The following CDHR5 variants were observed in gnomAD, a reference collection of about 807,000 sequenced individuals.
The protein encoded by CDHR5 is cadherin-related family member 5.
In CDHR5, 82 loss-of-function variants were observed where a neutral mutation model predicts 69.5. The observed-to-expected ratio is 1.18, with a 90% CI of 0.99 to 1.42. The LOEUF (loss-of-function observed/expected upper bound fraction) is 1.42. Among genes scored for constraint, CDHR5 ranks in the 40% most tolerant of loss-of-function variants. The pLI is 0.00. For missense variants in CDHR5, 1,293 were observed against 1,168.9 expected, an observed-to-expected ratio of 1.11 and a Z score of -1.55; for synonymous variants, 601 against 510.2, an observed-to-expected ratio of 1.18 and a Z score of -2.40.
intron 3 of CDHR5, among the ~76,000 whole-genome samples, chr11:622,255 C>T (rs143334983): frequency 6.6e-6 from 1 of 152,350 alleles, no homozygotes; most frequent in African/African-American, 2.4e-5. Flanking sequence ...TCACAAGAGA[C>T]AAATCTCTGC....
Position 624,522 on chromosome 11 carries a change from G to A in CDHR5, c.261+35C>T, listed in dbSNP as rs769943038. On this transcript the variant is annotated intron_variant, in intron 2 of 14. Coordinates refer to ENST00000397542, the MANE Select transcript of CDHR5 (RefSeq NM_021924.5). The surrounding 1 kb of genome is among the most constrained non-coding windows in gnomAD (Gnocchi z 5.3). ...CTGAGGATGCAGGTGCCCTTCTCCC[G>A]GGACCCCCATATCCCGCCCGCCTGC... 1.8e-5 allele frequency: 29 copies of A among 1,604,906 alleles called. No homozygotes were observed. Among genetic ancestry groups the A allele is most frequent in the South Asian group, 1.2e-4 (11 of 90,764 alleles).
chr11:617,611 C>T lies in CDHR5; in HGVS notation c.2278G>A (p.Glu760Lys), dbSNP rs1193379926. Residue 760 changes from glutamate to lysine, a missense_variant, in exon 15 of 15, where the codon GAG (glutamate) becomes AAG (lysine). Physicochemically the swap from Glu to Lys is moderately conservative, Grantham distance 56. Transcript: ENST00000397542. The stretch of plus-strand genomic sequence containing the variant: ...CCAGCTCGGGCCGCTGCGGGGGGCT[C>T]AGGGGCACCGCCTGGGGAGGCAGGG... ...PGPASPGGAP[E>K]PPAAARAGGS... 5.0e-6 allele frequency: 8 copies of T among 1,600,956 alleles called. No homozygotes were observed. The Admixed American group carries it at 1.0e-4, about 20-fold the overall frequency.
In CDHR5 at chr11:617,674, C is replaced by T. The variant is rs768452448; in HGVS notation, c.2215G>A (p.Ala739Thr). The T allele has an allele frequency of 1.6e-5, 24 of 1,496,238 alleles. No homozygotes were observed. In the Admixed American group the frequency reaches 3.7e-4, roughly 23 times the overall value. 92.7% of individuals were successfully genotyped at this position (1,496,238 alleles called of 1,614,324 possible). Residue 739 changes from alanine to threonine, a missense_variant, in exon 15 of 15, where the codon GCG (alanine) becomes ACG (threonine). Transcript: ENST00000397542. ...GGCTCTGCGGGCATCGGTGCCTCCG[C>T]GGGCTTGGGGTCGTGCGTGGGGCTG... is the stretch of plus-strand genomic sequence containing the variant. ...VPSPTHDPKPAEAPMPAEPAP... is the reference protein window; with the variant it reads ...VPSPTHDPKPTEAPMPAEPAP...
rs574375795 is a variant in CDHR5 at position 621,690 on chromosome 11, G to A, written c.406-27C>T. Reference sequence around the variant, plus strand: ...TGGGGAGGGAGAGGGGCTTGGTCCGGCCACACTCTTGGCCCCTGTGGACCC... The same window carrying A: ...TGGGGAGGGAGAGGGGCTTGGTCCGACCACACTCTTGGCCCCTGTGGACCC... On this transcript the variant is annotated intron_variant, in intron 4 of 14. Coordinates refer to ENST00000397542, the MANE Select transcript of CDHR5 (RefSeq NM_021924.5). This position sits in a 1 kb window ranked among gnomAD's most constrained non-coding sequence, Gnocchi z 4.4. 1.3e-6 allele frequency: 2 copies of A among 1,580,412 alleles called. No homozygotes were observed. Among genetic ancestry groups the A allele is most frequent in the East Asian group, 4.5e-5 (2 of 44,736 alleles).
chr11:618,547 A>C (rs1857126045), intron 13 of CDHR5, 52 bp downstream of exon 13: 1 of 1,600,432 alleles, frequency 6.2e-7, no homozygotes, highest in East Asian at 2.2e-5. Flanking sequence ...AGCGTTTCCC[A>C]TACCAGCCAA....
rs752508559 is a variant in CDHR5, at chr11:619,004, C to T, written c.1555G>A (p.Gly519Arg). 18 of 1,613,342 alleles carry T rather than the reference C, an allele frequency of 1.1e-5. No individual in the cohort carries two copies. In the East Asian group the frequency reaches 2.9e-4, roughly 26 times the overall value. ...CTGTTTTCTGCACCCGGGGGCCCCCCGGGTGTGGACGAGGTTGGTGGCCTC... is the reference window on the plus strand; with the variant it reads ...CTGTTTTCTGCACCCGGGGGCCCCCTGGGTGTGGACGAGGTTGGTGGCCTC... Reference protein sequence around the residue: ...TLRPPTSSTPGGPPGAENSTS... With the variant: ...TLRPPTSSTPRGPPGAENSTS... The change falls in exon 13 of 15, where the codon GGG (glycine) becomes AGG (arginine). Residue 519 changes from glycine to arginine, a missense_variant. Gly to Arg is a moderately radical substitution (Grantham distance 125, BLOSUM62 -2). Transcript: ENST00000397542.
chr11:617,219 C>T lies in CDHR5; in HGVS notation c.*132G>A, dbSNP rs1471804485. On this transcript the variant is annotated 3_prime_UTR_variant, in exon 15 of 15. Transcript: ENST00000397542. ...CAGGGGACTGAGTGAATGGGACCCC[C>T]ATGGACCCGCGCGCCTGCCCCACGC... The T allele has an allele frequency of 5.8e-6, 4 of 690,882 alleles. No individual in the cohort carries two copies. In the East Asian group the frequency reaches 1.1e-4, roughly 19 times the overall value. The allele number at this position is 690,882 out of a possible 1,614,324, so 42.8% of individuals were successfully genotyped here. A position where few individuals can be genotyped will look rare whatever the true frequency, so the allele number is the denominator to read the frequency against.
In CDHR5 at chr11:621,862, C is replaced by CA. The variant is rs1174124031; in HGVS notation, c.354dup (p.Asp119Ter). ...TTAAAGGGGAATTCGGGGGCATTGT[C>CA]ATTGACGTCCAGCACTGACACGAAC... On this transcript the variant is annotated frameshift_variant, in exon 4 of 15. Transcript: ENST00000397542. LOFTEE classifies it high-confidence loss of function. The surrounding 1 kb of genome is among the most constrained non-coding windows in gnomAD (Gnocchi z 4.4). 3 of 1,613,628 alleles carry CA rather than the reference C, an allele frequency of 1.9e-6. No homozygotes were observed. The highest frequency in any genetic ancestry group is 2.5e-6 in the Non-Finnish European group (3 of 1,179,912).
chr11:621,872 C>CA lies in CDHR5; in HGVS notation c.344dup (p.Asp116GlyfsTer4). 1 of 1,613,624 alleles carries CA rather than the reference C, an allele frequency of 6.2e-7. No individual in the cohort carries two copies. The highest frequency in any genetic ancestry group is 8.5e-7 in the Non-Finnish European group (1 of 1,179,866). The stretch of plus-strand genomic sequence containing the variant: ...ATTCGGGGGCATTGTCATTGACGTC[C>CA]AGCACTGACACGAACACCCTTAGCT... On this transcript the variant is annotated frameshift_variant, in exon 4 of 15. Coordinates refer to ENST00000397542, the MANE Select transcript of CDHR5 (RefSeq NM_021924.5). LOFTEE classifies it high-confidence loss of function. This position sits in a 1 kb window ranked among gnomAD's most constrained non-coding sequence, Gnocchi z 4.4.
chr11:617,258 T>G lies in CDHR5; in HGVS notation c.*93A>C. On this transcript the variant is annotated 3_prime_UTR_variant, in exon 15 of 15. Transcript: ENST00000397542. ...CCTGCCCCACGCCATGGCCTGGGTT[T>G]CGGGAGCCTTGCTTTATTCTGCCTC... 9.5e-7 allele frequency: 1 copy of G among 1,057,336 alleles called. No homozygotes were observed. The highest frequency in any genetic ancestry group is 1.5e-5 in the South Asian group (1 of 64,760). 65.5% of individuals were successfully genotyped at this position (1,057,336 alleles called of 1,614,324 possible).
Position 620,162 on chromosome 11 carries a change from T to A in CDHR5, c.883A>T (p.Asn295Tyr). The A allele has an allele frequency of 6.2e-7, 1 of 1,612,772 alleles. No homozygotes were observed. Among genetic ancestry groups the A allele is most frequent in the Non-Finnish European group, 8.5e-7 (1 of 1,179,120 alleles). Residue 295 changes from asparagine (N) to tyrosine (Y), a missense_variant and splice_region_variant, in exon 9 of 15, where the codon AAC (asparagine) becomes TAC (tyrosine). By Grantham distance (143) the Asn-to-Tyr change is moderately radical. Coordinates refer to ENST00000397542, the MANE Select transcript of CDHR5 (RefSeq NM_021924.5). ...TGGATGATGAATGTACCATTCACGTTTCCTGGGAGGATGATGGAAGTGCTC... is the reference window on the plus strand; with the variant it reads ...TGGATGATGAATGTACCATTCACGTATCCTGGGAGGATGATGGAAGTGCTC... ...QPIIYSIFRG[N>Y]VNGTFIIHPD...
In CDHR5 at chr11:619,870, G is replaced by C; in HGVS notation, c.990C>G (p.Ala330=). 1 of 1,546,130 alleles carries C rather than the reference G, an allele frequency of 6.5e-7. No individual in the cohort carries two copies. The highest frequency in any genetic ancestry group is 1.9e-5 in the Admixed American group (1 of 51,768). The change falls in exon 10 of 15, where the codon GCC becomes GCG. Residue 330 remains alanine, a synonymous_variant. Transcript: ENST00000397542. The stretch of plus-strand genomic sequence containing the variant: ...GGGTCACTGAGTAGCGGGCAAGGTC[G>C]GCCTGTTGGCCCTGGAGGCGGGGGA... ...TFLLLVKGQQ[A]DLARYSVTQV... is the part of the protein sequence containing the mutation.
rs1157180937 is a variant in CDHR5, at chr11:622,045, G to A, written c.313-141C>T. 2.7e-5 allele frequency: 17 copies of A among 634,562 alleles called. 1 individual carries two copies. The highest frequency in any genetic ancestry group is 3.9e-5 in the African/African-American group (2 of 51,098). 39.3% of individuals were successfully genotyped at this position (634,562 alleles called of 1,614,324 possible). Reference sequence around the variant, plus strand: ...CCGCCCTAAGTGAGGTGCACCCCTCGACGGCCACCCGTCCCTGCTGTGAGT... The same window carrying A: ...CCGCCCTAAGTGAGGTGCACCCCTCAACGGCCACCCGTCCCTGCTGTGAGT... On this transcript the variant is annotated intron_variant, in intron 3 of 14. Transcript: ENST00000397542.
intron 10 of CDHR5, 34 bp from the exon 11 acceptor site, chr11:619,621 T>G: frequency 1.2e-6 from 2 of 1,608,456 alleles, no homozygotes; most frequent in Non-Finnish European, 1.7e-6. Context: ...CCGGCCAGGC[T>G]GCCTCCCACG....
Position 617,671 on chromosome 11 carries a change from C to G in CDHR5, c.2218G>C (p.Glu740Gln). The G allele has an allele frequency of 6.7e-7, 1 of 1,499,666 alleles. No individual in the cohort carries two copies. The highest frequency in any genetic ancestry group is 8.9e-7 in the Non-Finnish European group (1 of 1,129,604). The allele number at this position is 1,499,666 out of a possible 1,614,324, so 92.9% of individuals were successfully genotyped here. The stretch of plus-strand genomic sequence containing the variant: ...GCGGGCTCTGCGGGCATCGGTGCCT[C>G]CGCGGGCTTGGGGTCGTGCGTGGGG... ...PSPTHDPKPAEAPMPAEPAPP... is the reference protein window; with the variant it reads ...PSPTHDPKPAQAPMPAEPAPP... Residue 740 changes from glutamate to glutamine, a missense_variant, in exon 15 of 15, where the codon GAG (glutamate) becomes CAG (glutamine). Glu to Gln is a conservative substitution (Grantham distance 29). Transcript: ENST00000397542.
chr11:620,454 G>A, intron 7 of CDHR5, 68 bp from the exon 8 acceptor site: 1 of 1,133,858 alleles, frequency 8.8e-7, no homozygotes, highest in Non-Finnish European at 1.3e-6. Context: ...TGGCCCCTCT[G>A]ACTCCCCATC....
In CDHR5 at chr11:618,053, C is replaced by T. The variant is rs1393414307; in HGVS notation, c.2019G>A (p.Gly673=). ...CCAGCAGCAGCAGCGCACCCAGCAC[C>T]CCGCCCAGGGCCGCCATATCCACCA... is the stretch of plus-strand genomic sequence containing the variant. The part of the protein sequence containing the change: ...FSVVDMAALG[G]VLGALLLLAL... Residue 673 remains glycine (G), a synonymous_variant, in exon 14 of 15, where the codon GGG becomes GGA. Transcript: ENST00000397542. The T allele has an allele frequency of 1.2e-6, 2 of 1,612,244 alleles. No homozygotes were observed. The highest frequency in any genetic ancestry group is 2.2e-5 in the East Asian group (1 of 44,886).
At position 624,848 on chromosome 11, in the gene CDHR5, G is replaced by A. The variant is rs1394892332; in HGVS notation, c.55C>T (p.Arg19Ter). The part of the protein sequence containing the change: ...PPLLFTGLLV[R>*]PPGTMAQAQY... ...GCCTGGGCCATGGTCCCCGGGGGTC[G>A]GACGAGCAGCCCGGTGAACAGCAGG... The change falls in exon 1 of 15, where the codon CGA (arginine) becomes TGA (stop). Residue 19 changes from arginine (R) to a stop codon, truncating the protein, a stop_gained. Coordinates refer to ENST00000397542, the MANE Select transcript of CDHR5 (RefSeq NM_021924.5). LOFTEE classifies it high-confidence loss of function. This position sits in a 1 kb window ranked among gnomAD's most constrained non-coding sequence, Gnocchi z 5.3. 1.1e-5 allele frequency: 18 copies of A among 1,598,480 alleles called. No homozygotes were observed. Among genetic ancestry groups the A allele is most frequent in the Admixed American group, 1.8e-5 (1 of 55,826 alleles).
chr11:624,478 C>A lies in CDHR5; in HGVS notation c.261+79G>T, dbSNP rs1347163964. On this transcript the variant is annotated intron_variant, in intron 2 of 14. Transcript: ENST00000397542. This position sits in a 1 kb window ranked among gnomAD's most constrained non-coding sequence, Gnocchi z 5.3. The stretch of plus-strand genomic sequence containing the variant: ...TGCCCGCAGGCATAGAACTCCTAGG[C>A]CCCCAAGGGAGGTGTGGCCTGAGGA... The A allele has an allele frequency of 1.3e-5, 18 of 1,417,160 alleles. No individual in the cohort carries two copies. The highest frequency in any genetic ancestry group is 1.8e-5 in the Non-Finnish European group (18 of 1,002,508). The allele number at this position is 1,417,160 out of a possible 1,614,324, so 87.8% of individuals were successfully genotyped here.
Sources: allele counts gnomAD v4.1 joint callset (sites outside exome capture counted in the v4.1 genomes callset), GRCh38; gene constraint gnomAD v4.1.1; non-coding constraint Gnocchi (gnomAD v3.1); transcripts MANE v1.5; gene names NCBI Gene and HGNC (gene_info 2026-07-23, HGNC 2026-07-21).